Variants in CLVS1 observed in about 807,000 individuals in gnomAD.
CLVS1 encodes clavesin-1.
CLVS1 carries 10 observed loss-of-function variants against 33.1 expected under a neutral mutation model. That is an observed-to-expected ratio of 0.30 (90% CI 0.19 to 0.51). The LOEUF is 0.51. Among genes scored for constraint, CLVS1 ranks in the 20% least tolerant of loss-of-function variants. CLVS1 has a pLI of 0.97. For missense variants in CLVS1, 343 were observed against 433.4 expected (o/e 0.79, Z 1.85); for synonymous variants, 163 against 166.1 (o/e 0.98, Z 0.14).
In CLVS1 at chr8:61,059,475, C is replaced by CATAT. The variant is rs56322834; in HGVS notation, c.-243+2267_-243+2270dup. Reference sequence around the variant, plus strand: ...ACACACACATATACATACATACATACATATATATATATATATATATATATA... The same window carrying CATAT: ...ACACACACATATACATACATACATACATATATATATATATATATATATATATATA... On this transcript the variant is annotated intron_variant, in intron 1 of 2. Coordinates refer to the CLVS1 transcript ENST00000522621. Among the ~76,000 whole-genome samples the CATAT allele has an allele frequency of 2.9e-3, 147 of 50,204 alleles. 9 individuals carry two copies. Among genetic ancestry groups the CATAT allele is most frequent in the South Asian group, 9.9e-3 (7 of 706 alleles). The allele number at this position is 50,204 out of a possible 152,430, so 32.9% of individuals were successfully genotyped here. A position where few individuals can be genotyped will look rare whatever the true frequency, so the allele number is the denominator to read the frequency against.
At chr8:61,360,930 A>G (rs2129599977) in intron 2 of CLVS1, among the ~76,000 whole-genome samples, 1 of 152,164 alleles carries the variant, frequency 6.6e-6, no homozygotes, top group Admixed American at 6.5e-5. Flanking sequence ...ATTGGTTCAT[A>G]GTTCTGCAGG....
intron 2 of CLVS1, among the ~76,000 whole-genome samples, chr8:61,359,185 A>T (rs1487511823): frequency 1.3e-5 from 2 of 152,138 alleles, no homozygotes; most frequent in Non-Finnish European, 2.9e-5. Flanking sequence ...TACCAACCAC[A>T]CTAGCTCAAA....
At chr8:61,430,873 C>A (rs1189189391) in intron 3 of CLVS1, among the ~76,000 whole-genome samples, 2 of 152,148 alleles carry the variant, frequency 1.3e-5, no homozygotes, top group Non-Finnish European at 2.9e-5. Context: ...TTCTTATTTT[C>A]TTCTAGCAAG....
At chr8:61,281,289 TC>T (rs1266042318) in intron 2 of CLVS1, among the ~76,000 whole-genome samples, 8 of 152,078 alleles carry the variant, frequency 5.3e-5, no homozygotes, top group Non-Finnish European at 1.0e-4. Flanking sequence ...CTTAATTATG[TC>T]CCCCAAATTC....
chr8:61,263,006 G>A (rs932767640), intron 2 of CLVS1, among the ~76,000 whole-genome samples: 2 of 152,174 alleles, frequency 1.3e-5, no homozygotes, highest in Admixed American at 6.5e-5. Context: ...TTGTCTCAGG[G>A]CAGGAAGATG....
chr8:61,154,932 AATT>A (rs765390521), intron 2 of CLVS1, among the ~76,000 whole-genome samples: 15 of 152,182 alleles, frequency 9.9e-5, no homozygotes, highest in Admixed American at 2.0e-4. Context: ...AGCTGATGCT[AATT>A]ATTCTCACAT....
intron 2 of CLVS1, among the ~76,000 whole-genome samples, chr8:61,353,686 A>G (rs1201288387): frequency 1.3e-5 from 2 of 151,654 alleles, no homozygotes; most frequent in African/African-American, 2.4e-5. Context: ...GAAACTAAGG[A>G]AGAATGAAAC....
intron 1 of CLVS1, among the ~76,000 whole-genome samples, chr8:61,101,123 A>G (rs1285509712): frequency 6.6e-6 from 1 of 152,166 alleles, no homozygotes; most frequent in African/African-American, 2.4e-5. Context: ...TAGTAACATG[A>G]CCATACGTTT....
the CLVS1 span, among the ~76,000 whole-genome samples, chr8:61,051,788 C>T: frequency 1.3e-5 from 2 of 152,258 alleles, no homozygotes; most frequent in Non-Finnish European, 2.9e-5. Context: ...CGTGCTGGCC[C>T]AACTGAGGAC....
intron 2 of CLVS1, among the ~76,000 whole-genome samples, chr8:61,197,551 A>G (rs1468108832): frequency 1.3e-5 from 2 of 151,916 alleles, no homozygotes; most frequent in South Asian, 4.2e-4. Context: ...ACAGAGTCTC[A>G]CTCTGTTGCC....
At chr8:61,050,170 T>G in the CLVS1 span, among the ~76,000 whole-genome samples, 1 of 152,200 alleles carries the variant, frequency 6.6e-6, no homozygotes, top group Non-Finnish European at 1.5e-5. Context: ...TCTTTAATTT[T>G]TTTTACTGTG....
intron 1 of CLVS1, among the ~76,000 whole-genome samples, chr8:61,068,440 C>A (rs1049599809): frequency 6.6e-6 from 1 of 151,764 alleles, no homozygotes; most frequent in South Asian, 2.1e-4. Flanking sequence ...GTGCTGGGTG[C>A]GTAGGAACCT....
intron 1 of CLVS1, among the ~76,000 whole-genome samples, chr8:61,294,509 TAAAGTA>T (rs1440004826): frequency 1.3e-5 from 2 of 152,138 alleles, no homozygotes; most frequent in Non-Finnish European, 2.9e-5. Context: ...AATTTACAGT[TAAAGTA>T]AAGTAGATCT....
chr8:61,433,713 GGACGA>G (rs1330213165), intron 3 of CLVS1, among the ~76,000 whole-genome samples: 1 of 151,688 alleles, frequency 6.6e-6, no homozygotes, highest in African/African-American at 2.4e-5. Flanking sequence ...GTTGGAAATG[GGACGA>G]GCCTGGCCAA....
intron 3 of CLVS1, among the ~76,000 whole-genome samples, chr8:61,449,475 T>C (rs1008056945): frequency 6.6e-6 from 1 of 152,196 alleles, no homozygotes; most frequent in Non-Finnish European, 1.5e-5. Context: ...ATGTTATGCA[T>C]CTTGTTACAG....
At chr8:61,429,977 T>C (rs187163048) in intron 3 of CLVS1, among the ~76,000 whole-genome samples, 36 of 152,364 alleles carry the variant, frequency 2.4e-4, no homozygotes, top group African/African-American at 7.2e-4. Flanking sequence ...AATTTTAGCA[T>C]GAGCTGCTGT....
intron 2 of CLVS1, among the ~76,000 whole-genome samples, chr8:61,355,748 A>C (rs1563512921): frequency 6.6e-6 from 1 of 152,020 alleles, no homozygotes; most frequent in Non-Finnish European, 1.5e-5. Flanking sequence ...TGAAGTCATC[A>C]TTTTTTATGG....
intron 3 of CLVS1, among the ~76,000 whole-genome samples, chr8:61,445,416 G>A (rs1278108238): frequency 3.3e-5 from 5 of 151,970 alleles, no homozygotes; most frequent in Non-Finnish European, 7.4e-5. Flanking sequence ...TAGTTCCTGG[G>A]AGATCTGATT....
At chr8:61,394,461 G>T (rs149529225) in intron 3 of CLVS1, among the ~76,000 whole-genome samples, 51 of 152,244 alleles carry the variant, frequency 3.3e-4, no homozygotes, top group African/African-American at 1.2e-3. Flanking sequence ...TCGGGGCAGG[G>T]TTAGGTGGGT....
Sources: gnomAD v4.1 joint callset for allele counts (sites outside exome capture counted in the v4.1 genomes callset) on GRCh38, gnomAD v4.1.1 for gene constraint, MANE v1.5 for transcripts, NCBI Gene and HGNC (gene_info 2026-07-23, HGNC 2026-07-21) for gene names.